The following PUSL1 variants were observed in gnomAD, a reference collection of about 807,000 sequenced individuals.
The protein encoded by PUSL1 is tRNA pseudouridine synthase-like 1.
In PUSL1, 51 loss-of-function variants were observed where a neutral mutation model predicts 30.7. The observed-to-expected ratio is 1.66, with a 90% CI of 1.33 to 2.10. PUSL1 has a LOEUF of 2.10. Among genes scored for constraint, PUSL1 ranks in the 30% most tolerant of loss-of-function variants. PUSL1 has a pLI of 0.00. For missense variants in PUSL1, 609 were observed against 427.6 expected (o/e 1.42, Z -3.74); for synonymous variants, 290 against 192.1 (o/e 1.51, Z -4.21).
At chr1:1,309,329 C>T (rs1006917032) in intron 3 of PUSL1, 56 bp downstream of exon 3, 6 of 1,447,668 alleles carry the variant, frequency 4.1e-6, no homozygotes, top group East Asian at 5.0e-5. Context: ...CCATCTGTCG[C>T]GGGCGGAGGC....
chr1:1,310,246 G>A (rs973735619), intron 5 of PUSL1: 10 of 342,920 alleles, frequency 2.9e-5, no homozygotes, highest in African/African-American at 1.0e-4. Flanking sequence ...CCCTGAAGGG[G>A]GGAAGAACTT....
chr1:1,309,950 C>T lies in PUSL1; in HGVS notation c.644+99C>T, dbSNP rs777107750. ...TTTTAAGGCAAGGTGAGGCGGGAGG[C>T]AGGCAGCCGGGAGTCCTCAGGACCT... On this transcript the variant is annotated intron_variant, in intron 5 of 7. Coordinates refer to ENST00000379031, the MANE Select transcript of PUSL1 (RefSeq NM_153339.3). The T allele has an allele frequency of 3.4e-4, 357 of 1,035,360 alleles. 1 individual carries two copies. Among genetic ancestry groups the T allele is most frequent in the Non-Finnish European group, 4.6e-4 (337 of 727,298 alleles). The allele number at this position is 1,035,360 out of a possible 1,614,324, so 64.1% of individuals were successfully genotyped here. A position where few individuals can be genotyped will look rare whatever the true frequency, so the allele number is the denominator to read the frequency against.
intron 7 of PUSL1, 118 bp downstream of exon 7, chr1:1,311,189 G>T: frequency 3.5e-6 from 5 of 1,426,818 alleles, no homozygotes; most frequent in Non-Finnish European, 4.7e-6. Flanking sequence ...GCAGCCCCCC[G>T]CCCAGGGCTG....
At chr1:1,311,226 G>T (rs894213557) in intron 7 of PUSL1, 104 bp from the exon 8 acceptor site, 1 of 1,406,314 alleles carries the variant, frequency 7.1e-7, no homozygotes, top group Admixed American at 2.6e-5. Flanking sequence ...CCCGTAGCCC[G>T]TCCTGGGCTG....
Position 1,311,576 on chromosome 1 carries a change from C to T in PUSL1, c.*197C>T, listed in dbSNP as rs147996649. On this transcript the variant is annotated 3_prime_UTR_variant, in exon 8 of 8. Coordinates refer to ENST00000379031, the MANE Select transcript of PUSL1 (RefSeq NM_153339.3). ...GCACAGTGCAGGACACAGCCATGTA[C>T]ACCAAGAAGAGAGTACCAAGTAGTC... is the stretch of plus-strand genomic sequence containing the variant. 57 of 726,004 alleles carry T rather than the reference C, an allele frequency of 7.9e-5. No homozygotes were observed. Among genetic ancestry groups the T allele is most frequent in the Middle Eastern group, 2.3e-4 (1 of 4,420 alleles). 45.0% of individuals were successfully genotyped at this position (726,004 alleles called of 1,614,324 possible). A position where few individuals can be genotyped will look rare whatever the true frequency, so the allele number is the denominator to read the frequency against.
In PUSL1 at chr1:1,308,621, G is replaced by T; in HGVS notation, c.-23G>T. 6.9e-7 allele frequency: 1 copy of T among 1,447,852 alleles called. No individual in the cohort carries two copies. Among genetic ancestry groups the T allele is most frequent in the South Asian group, 1.3e-5 (1 of 77,498 alleles). 89.7% of individuals were successfully genotyped at this position (1,447,852 alleles called of 1,614,324 possible). A position where few individuals can be genotyped will look rare whatever the true frequency, so the allele number is the denominator to read the frequency against. On this transcript the variant is annotated 5_prime_UTR_variant, in exon 1 of 8. Coordinates refer to ENST00000379031, the MANE Select transcript of PUSL1 (RefSeq NM_153339.3). Reference sequence around the variant, plus strand: ...GATTCCTGCGCTGGAGGCCGCCTCTGACGCCACCGGCTGGGCTCCGCCATG... The same window carrying T: ...GATTCCTGCGCTGGAGGCCGCCTCTTACGCCACCGGCTGGGCTCCGCCATG...
chr1:1,311,108 C>T lies in PUSL1; in HGVS notation c.862+37C>T, dbSNP rs115540370. On this transcript the variant is annotated intron_variant, in intron 7 of 7. Coordinates refer to ENST00000379031, the MANE Select transcript of PUSL1 (RefSeq NM_153339.3). ...AGGCACGAGAAGCTCCTGTCATGTG[C>T]CCAGTGACTACTGTGGCCGAGGCAT... 1,204 of 1,569,418 alleles carry T rather than the reference C, an allele frequency of 7.7e-4. 7 individuals are homozygous for T. In the African/African-American group the frequency reaches 0.012, roughly 16 times the overall value.
Position 1,309,726 on chromosome 1 carries a change from C to T in PUSL1, c.519C>T (p.Leu173=), listed in dbSNP as rs894700846. Residue 173 remains leucine, a synonymous_variant, in exon 5 of 8, where the codon CTC becomes CTT. Coordinates refer to ENST00000379031, the MANE Select transcript of PUSL1 (RefSeq NM_153339.3). ...VAMQEAAQHL[L]GTHDFSAFQS... ...TGCAGGAAGCCGCCCAGCACCTCCT[C>T]GGCACACACGACTTCAGCGCCTTCC... is the stretch of plus-strand genomic sequence containing the variant. 5.0e-6 allele frequency: 8 copies of T among 1,598,578 alleles called. No homozygotes were observed. The African/African-American group carries it at 8.0e-5, about 16-fold the overall frequency.
intron 5 of PUSL1, 152 bp downstream of exon 5, chr1:1,310,003 G>GCCC (rs1557622671): frequency 4.4e-5 from 26 of 587,426 alleles, no homozygotes; most frequent in Admixed American, 3.5e-5. Context: ...TCGCCCGGAC[G>GCCC]CCCCCCAGCC....
chr1:1,309,784 C>G lies in PUSL1; in HGVS notation c.577C>G (p.Arg193Gly), dbSNP rs775397239. The change falls in exon 5 of 8, where the codon CGA (arginine) becomes GGA (glycine). Residue 193 changes from arginine to glycine, a missense_variant. Transcript: ENST00000379031. ...TGGCAGCCCGGTGCCGAGCCCCGTG[C>G]GAACGCTGCGCCGGGTCTCCGTTTC... ...SAGSPVPSPV[R>G]TLRRVSVSPG... is the part of the protein sequence containing the mutation. 1.9e-6 allele frequency: 3 copies of G among 1,561,308 alleles called. No individual in the cohort carries two copies. The highest frequency in any genetic ancestry group is 1.4e-5 in the African/African-American group (1 of 73,662).
At chr1:1,308,784 C>T (rs1641913917) in intron 1 of PUSL1, 64 bp downstream of exon 1, 11 of 1,453,166 alleles carry the variant, frequency 7.6e-6, no homozygotes, top group African/African-American at 1.5e-5. Context: ...AAGGAGGGCG[C>T]GGGCGGGCAG....
chr1:1,309,445 C>A lies in PUSL1; in HGVS notation c.324-9C>A. On this transcript the variant is annotated splice_polypyrimidine_tract_variant and intron_variant, in intron 3 of 7. Coordinates refer to ENST00000379031, the MANE Select transcript of PUSL1 (RefSeq NM_153339.3). ...TCGTTCCTCCGGTGAGCTTTACCTG[C>A]CGCCATAGGGTCCTGCGGGCCTTCC... 6.3e-7 allele frequency: 1 copy of A among 1,589,908 alleles called. No individual in the cohort carries two copies. Among genetic ancestry groups the A allele is most frequent in the Non-Finnish European group, 8.6e-7 (1 of 1,168,090 alleles).
intron 3 of PUSL1, 29 bp from the exon 4 acceptor site, chr1:1,309,425 C>T (rs1417240476): frequency 5.1e-6 from 8 of 1,564,322 alleles, no homozygotes; most frequent in African/African-American, 2.7e-5. Context: ...CGGGGTCGTT[C>T]CTCCGGTGAG....
rs920572301 is a variant in PUSL1 at position 1,311,033 on chromosome 1, A to G, written c.824A>G (p.His275Arg). Reference sequence around the variant, plus strand: ...CACCAGACACGTGTAGCCCCAGCCCACGGCTTATTCCTCAAGTCAGTGCTG... The same window carrying G: ...CACCAGACACGTGTAGCCCCAGCCCGCGGCTTATTCCTCAAGTCAGTGCTG... ...GKHQTRVAPA[H>R]GLFLKSVLYG... The change falls in exon 7 of 8, where the codon CAC (histidine) becomes CGC (arginine). Residue 275 changes from histidine (H) to arginine (R), a missense_variant. His to Arg is a conservative substitution (Grantham distance 29). Coordinates refer to ENST00000379031, the MANE Select transcript of PUSL1 (RefSeq NM_153339.3). 4.3e-6 allele frequency: 7 copies of G among 1,612,290 alleles called. No individual in the cohort carries two copies. The highest frequency in any genetic ancestry group is 1.7e-5 in the Admixed American group (1 of 60,012).
At position 1,311,442 on chromosome 1, in the gene PUSL1, G is replaced by T. The variant is rs1386336211; in HGVS notation, c.*63G>T. Reference sequence around the variant, plus strand: ...CCAACCCTGTGCTGGTCAAGCCAGGGCAGTCACAGCTGCTTGGGGCCCACA... The same window carrying T: ...CCAACCCTGTGCTGGTCAAGCCAGGTCAGTCACAGCTGCTTGGGGCCCACA... On this transcript the variant is annotated 3_prime_UTR_variant, in exon 8 of 8. Coordinates refer to ENST00000379031, the MANE Select transcript of PUSL1 (RefSeq NM_153339.3). 11 of 1,516,384 alleles carry T rather than the reference G, an allele frequency of 7.3e-6. No homozygotes were observed. Among genetic ancestry groups the T allele is most frequent in the Non-Finnish European group, 9.9e-6 (11 of 1,113,040 alleles). The allele number at this position is 1,516,384 out of a possible 1,614,324, so 93.9% of individuals were successfully genotyped here. A position where few individuals can be genotyped will look rare whatever the true frequency, so the allele number is the denominator to read the frequency against.
Position 1,311,205 on chromosome 1 carries a change from C to T in PUSL1, c.863-125C>T, listed in dbSNP as rs1274921205. On this transcript the variant is annotated intron_variant, in intron 7 of 7. Coordinates refer to ENST00000379031, the MANE Select transcript of PUSL1 (RefSeq NM_153339.3). Reference sequence around the variant, plus strand: ...CAGCCCCCCGCCCAGGGCTGCAGTCCCTCAGGCCAGCCCGTAGCCCGTCCT... The same window carrying T: ...CAGCCCCCCGCCCAGGGCTGCAGTCTCTCAGGCCAGCCCGTAGCCCGTCCT... 2.8e-6 allele frequency: 4 copies of T among 1,413,422 alleles called. No individual in the cohort carries two copies. In the African/African-American group the frequency reaches 4.3e-5, roughly 15 times the overall value. The allele number at this position is 1,413,422 out of a possible 1,614,324, so 87.6% of individuals were successfully genotyped here.
At chr1:1,309,939 G>GAGGCGGGAGGCAGGC in intron 5 of PUSL1, 88 bp downstream of exon 5, 1 of 1,117,738 alleles carries the variant, frequency 8.9e-7, no homozygotes, top group South Asian at 1.7e-5. Flanking sequence ...AAGGCAAGGT[G>GAGGCGGGAGGCAGGC]AGGCGGGAGG....
chr1:1,310,935 G>A lies in PUSL1; in HGVS notation c.726G>A (p.Val242=), dbSNP rs765240675. ...RQVRRMTAVL[V]AVGLGALAPA... ...TACGGAGGATGACGGCTGTGCTGGT[G>A]GCCGTGGGGCTGGGGGCTTTGGCAC... The change falls in exon 7 of 8, where the codon GTG becomes GTA. Residue 242 remains valine (V), a synonymous_variant. Transcript: ENST00000379031. 11 of 1,613,126 alleles carry A rather than the reference G, an allele frequency of 6.8e-6. No individual in the cohort carries two copies. The highest frequency in any genetic ancestry group is 9.3e-6 in the Non-Finnish European group (11 of 1,179,950).
chr1:1,309,943 C>T (rs990205638), intron 5 of PUSL1, 92 bp downstream of exon 5: 114 of 1,094,322 alleles, frequency 1.0e-4, no homozygotes, highest in Middle Eastern at 2.1e-4. Flanking sequence ...CAAGGTGAGG[C>T]GGGAGGCAGG....
Sources: gnomAD v4.1 joint callset for allele counts on GRCh38, gnomAD v4.1.1 for gene constraint, MANE v1.5 for transcripts, NCBI Gene and HGNC (gene_info 2026-07-23, HGNC 2026-07-21) for gene names.